Variants in ADAM7 observed in about 807,000 individuals in gnomAD.
ADAM7 encodes the protein disintegrin and metalloproteinase domain-containing protein 7.
Under a neutral mutation model 102.9 loss-of-function variants are expected in ADAM7, and 97 were observed. The observed-to-expected ratio is 0.94, with a 90% CI of 0.80 to 1.12. ADAM7 has a LOEUF of 1.12. Among genes scored for constraint, ADAM7 ranks in the 50% most tolerant of loss-of-function variants. The pLI is 0.00. For synonymous variants in ADAM7, 334 were observed against 304.4 expected (o/e 1.10, Z -1.01); for missense variants, 991 against 908.7 (o/e 1.09, Z -1.16).
chr8:24,467,007 T>A lies in ADAM7; in HGVS notation c.579+19T>A. The A allele has an allele frequency of 6.3e-7, 1 of 1,592,040 alleles. No individual in the cohort carries two copies. The highest frequency in any genetic ancestry group is 8.6e-7 in the Non-Finnish European group (1 of 1,163,380). On this transcript the variant is annotated intron_variant, in intron 6 of 21. Coordinates refer to ENST00000175238, the MANE Select transcript of ADAM7 (RefSeq NM_003817.4). ...AATAAAAGTGAGTACTTTATTATTA[T>A]CTTTACCCCAAATGAAACACCTTTT...
chr8:24,451,572 C>A (rs1818791001), intron 3 of ADAM7, among the ~76,000 whole-genome samples: 1 of 152,090 alleles, frequency 6.6e-6, no homozygotes, highest in African/African-American at 2.4e-5. Context: ...AGTGGTCTAA[C>A]AATTTTGTTG....
chr8:24,461,238 C>T (rs904436614), intron 3 of ADAM7, among the ~76,000 whole-genome samples: 2 of 152,036 alleles, frequency 1.3e-5, no homozygotes, highest in African/African-American at 4.8e-5. Context: ...GTGATCCACC[C>T]GCCTCAGCCT....
intron 3 of ADAM7, among the ~76,000 whole-genome samples, chr8:24,463,480 A>G (rs1819319650): frequency 6.6e-6 from 1 of 152,144 alleles, no homozygotes; most frequent in Non-Finnish European, 1.5e-5. Flanking sequence ...CTAAATATGT[A>G]GCTGTTAGGT....
At chr8:24,461,407 C>T (rs918258639) in intron 3 of ADAM7, among the ~76,000 whole-genome samples, 4 of 152,066 alleles carry the variant, frequency 2.6e-5, no homozygotes, top group African/African-American at 7.2e-5. Flanking sequence ...CAGTATGTGT[C>T]GTGTTGTCTT....
intron 16 of ADAM7, among the ~76,000 whole-genome samples, chr8:24,497,032 TG>T (rs1345902269): frequency 6.6e-6 from 1 of 152,304 alleles, no homozygotes; most frequent in East Asian, 1.9e-4. Flanking sequence ...AGGGACCCAC[TG>T]GGAGGTAAGT....
chr8:24,468,687 C>G (rs555426212), intron 6 of ADAM7, 80 bp from the exon 7 acceptor site: 1 of 1,255,496 alleles, frequency 8.0e-7, no homozygotes, highest in African/African-American at 1.5e-5. Context: ...CTTGAAAATA[C>G]TAGGATTTTT....
chr8:24,491,716 T>A (rs1281326378), intron 13 of ADAM7, 187 bp from the exon 14 acceptor site: 1 of 533,396 alleles, frequency 1.9e-6, no homozygotes, highest in Non-Finnish European at 3.2e-6. Context: ...CATCATTTTG[T>A]CATTCTTAAA....
At position 24,500,201 on chromosome 8, in the gene ADAM7, C is replaced by A; in HGVS notation, c.1947C>A (p.Cys649Ter). Residue 649 changes from cysteine to a stop codon, truncating the protein, a stop_gained, in exon 18 of 22, where the codon TGC becomes TGA. Transcript: ENST00000175238. LOFTEE classifies it high-confidence loss of function. ...ENPVDGHGLQ[C>*]HCEEGQAPVA... ...AGGTGGATGGCCACGGACTCCAGTG[C>A]CACTGTGAGGAAGGACAGGCACCTG... 6.2e-7 allele frequency: 1 copy of A among 1,611,680 alleles called. No individual in the cohort carries two copies. Among genetic ancestry groups the A allele is most frequent in the South Asian group, 1.1e-5 (1 of 90,854 alleles).
chr8:24,489,952 T>C (rs1368907835), intron 12 of ADAM7, among the ~76,000 whole-genome samples: 1 of 152,212 alleles, frequency 6.6e-6, no homozygotes, highest in Non-Finnish European at 1.5e-5. Context: ...TAAGTGCAGA[T>C]GAATCACCAG....
At chr8:24,492,985 C>A in intron 15 of ADAM7, 58 bp from the exon 16 acceptor site, 1 of 1,486,462 alleles carries the variant, frequency 6.7e-7, no homozygotes, top group Non-Finnish European at 8.9e-7. Flanking sequence ...CCATTGCCAG[C>A]CTAGTCTCAA....
At chr8:24,481,063 A>AAAAC (rs111355286) in intron 8 of ADAM7, among the ~76,000 whole-genome samples, 11,245 of 149,920 alleles carry the variant, frequency 0.075, 577 homozygotes, top group African/African-American at 0.14. Context: ...CCCTGTCTCA[A>AAAAC]AAACAAACAA....
At chr8:24,464,603 T>A (rs1819362023) in intron 4 of ADAM7, among the ~76,000 whole-genome samples, 1 of 152,204 alleles carries the variant, frequency 6.6e-6, no homozygotes, top group Admixed American at 6.5e-5. Context: ...ATGGTGAACT[T>A]TGTTTTGTTT....
intron 16 of ADAM7, 79 bp downstream of exon 16, chr8:24,493,308 C>T: frequency 7.6e-7 from 1 of 1,310,190 alleles, no homozygotes; most frequent in Non-Finnish European, 1.0e-6. Flanking sequence ...GTAATTGCTT[C>T]CAAAGAGGTC....
Position 24,480,316 on chromosome 8 carries a change from A to T in ADAM7, c.706-1826A>T, listed in dbSNP as rs546870182. Among the ~76,000 whole-genome samples, 3 of 152,286 alleles carry T rather than the reference A, an allele frequency of 2.0e-5. No individual in the cohort carries two copies. In the South Asian group the frequency reaches 6.2e-4, roughly 32 times the overall value. On this transcript the variant is annotated intron_variant, in intron 8 of 21. Coordinates refer to ENST00000175238, the MANE Select transcript of ADAM7 (RefSeq NM_003817.4). ...CATTATAAAACAAACAATTTAAGCT[A>T]ACAAAGTCTAAAAGCCCGTGTGCCT...
chr8:24,507,386 CAT>C (rs1820987592), intron 20 of ADAM7, 92 bp from the exon 21 acceptor site: 3 of 981,516 alleles, frequency 3.1e-6, no homozygotes, highest in Non-Finnish European at 4.8e-6. Context: ...TGTATGTGCT[CAT>C]GTGTATGTGT....
intron 2 of ADAM7, among the ~76,000 whole-genome samples, chr8:24,445,586 C>A (rs1207594677): frequency 6.6e-6 from 1 of 152,212 alleles, no homozygotes; most frequent in Non-Finnish European, 1.5e-5. Context: ...CTCAAATCAT[C>A]TGCATTCATC....
intron 7 of ADAM7, among the ~76,000 whole-genome samples, chr8:24,471,794 A>C (rs1057185541): frequency 6.6e-6 from 1 of 152,046 alleles, no homozygotes; most frequent in Non-Finnish European, 1.5e-5. Flanking sequence ...AACAGAAAAA[A>C]ATATGTGAAG....
intron 4 of ADAM7, among the ~76,000 whole-genome samples, chr8:24,464,418 G>T (rs10096316): frequency 6.6e-6 from 1 of 152,024 alleles, no homozygotes; most frequent in Non-Finnish European, 1.5e-5. Context: ...ATCCTCAAAT[G>T]AATTTTTGTT....
chr8:24,472,122 CAA>C (rs55708871), intron 7 of ADAM7, among the ~76,000 whole-genome samples: 245 of 102,744 alleles, frequency 2.4e-3, no homozygotes, highest in African/African-American at 6.9e-3. Flanking sequence ...AAAAAGATAA[CAA>C]AAAAAAAAAA....
Sources: gnomAD v4.1 joint callset for allele counts (sites outside exome capture counted in the v4.1 genomes callset) on GRCh38, gnomAD v4.1.1 for gene constraint, MANE v1.5 for transcripts, NCBI Gene and HGNC (gene_info 2026-07-23, HGNC 2026-07-21) for gene names.